MRPL3: variants seen among roughly 807,000 people sequenced by gnomAD.
MRPL3 encodes the protein mitochondrial ribosomal protein L3.
MRPL3 carries 43 observed loss-of-function variants against 44.3 expected under a neutral mutation model. The observed-to-expected ratio is 0.97, with a 90% confidence interval of 0.76 to 1.25. MRPL3 has a LOEUF of 1.25. Among genes scored for constraint, MRPL3 ranks in the 50% most tolerant of loss-of-function variants. The pLI is 0.00. For synonymous variants in MRPL3, 171 were observed against 152.3 expected, an observed-to-expected ratio of 1.12 and a Z score of -0.91; for missense variants, 406 against 427.6, an observed-to-expected ratio of 0.95 and a Z score of 0.45.
chr3:131,499,830 T>C (rs1934454886), intron 3 of MRPL3, among the ~76,000 whole-genome samples: 2 of 151,496 alleles, frequency 1.3e-5, no homozygotes, highest in African/African-American at 4.9e-5. Context: ...GCCTGACATT[T>C]ATCATCTGGT....
chr3:131,468,636 C>T (rs1314190826), intron 8 of MRPL3, among the ~76,000 whole-genome samples: 1 of 151,764 alleles, frequency 6.6e-6, no homozygotes. Flanking sequence ...AATGATTGGT[C>T]AAAAAATGGT....
At chr3:131,478,997 A>T (rs1429923167) in intron 6 of MRPL3, 5 of 377,736 alleles carry the variant, frequency 1.3e-5, no homozygotes, top group Admixed American at 3.3e-5. Flanking sequence ...CCAGCCCAAA[A>T]TATTTGATTT....
At chr3:131,500,363 G>C (rs1156564697) in intron 3 of MRPL3, 67 bp downstream of exon 3, 7 of 1,277,226 alleles carry the variant, frequency 5.5e-6, no homozygotes, top group Non-Finnish European at 5.7e-6. Context: ...AATAGTTCTT[G>C]TTAAGGTTTG....
chr3:131,463,141 G>T (rs1452068742), intron 9 of MRPL3, among the ~76,000 whole-genome samples: 4 of 152,082 alleles, frequency 2.6e-5, no homozygotes, highest in African/African-American at 9.7e-5. Context: ...GAATCTCTAG[G>T]ATTGCCCACA....
chr3:131,501,799 G>A (rs764685797), intron 1 of MRPL3, 84 bp from the exon 2 acceptor site: 1 of 1,591,322 alleles, frequency 6.3e-7, no homozygotes, highest in Non-Finnish European at 8.5e-7. Context: ...TCACAAATTG[G>A]AAAGTGTAGT....
rs79563337 is a variant in MRPL3, at chr3:131,502,420, C to G, written c.92+310G>C. On this transcript the variant is annotated intron_variant, in intron 1 of 9. Transcript: ENST00000264995. ...TAAACCTTATGATAGCAGTTTGCTCCCGTGAGGCTACATAAGGCACCTAAT... is the reference window on the plus strand; with the variant it reads ...TAAACCTTATGATAGCAGTTTGCTCGCGTGAGGCTACATAAGGCACCTAAT... Among the ~76,000 whole-genome samples, 40 of 152,300 alleles carry G rather than the reference C, an allele frequency of 2.6e-4. 1 individual carries two copies. The South Asian group carries it at 6.8e-3, about 26-fold the overall frequency.
At chr3:131,471,122 C>T (rs1409236587) in intron 7 of MRPL3, 49 bp downstream of exon 7, 1 of 1,304,182 alleles carries the variant, frequency 7.7e-7, no homozygotes, top group Admixed American at 1.7e-5. Flanking sequence ...ACTACATGTG[C>T]AGAAGTTGAA....
chr3:131,499,493 C>A (rs1582721913), intron 3 of MRPL3, among the ~76,000 whole-genome samples: 1 of 152,268 alleles, frequency 6.6e-6, no homozygotes, highest in South Asian at 2.1e-4. Flanking sequence ...GCCCCCTGCC[C>A]CCGCCAGTTT....
At chr3:131,487,001 C>A (rs973108534) in intron 6 of MRPL3, 1 of 152,140 alleles carries the variant, frequency 6.6e-6, no homozygotes, top group African/African-American at 2.4e-5. Flanking sequence ...GACACATGCA[C>A]ACATATGTTT....
rs1190109975 is a variant in MRPL3, at chr3:131,500,445, C to T, written c.354G>A (p.Val118=). ...TCTCTCTTACCTGAAGTAATGTGAC[C>T]ACATGCTTTTGACCATCCTTGGTCC... The part of the protein sequence containing the change: ...PLWTKDGQKH[V]VTLLQVQDCH... The change falls in exon 3 of 10, where the codon GTG becomes GTA. Residue 118 remains valine, a synonymous_variant. Transcript: ENST00000264995. 6.2e-7 allele frequency: 1 copy of T among 1,613,514 alleles called. No individual in the cohort carries two copies.
intron 9 of MRPL3, among the ~76,000 whole-genome samples, chr3:131,463,234 A>G (rs1186120043): frequency 6.6e-6 from 1 of 152,146 alleles, no homozygotes; most frequent in Admixed American, 6.6e-5. Context: ...ACAAACTAGC[A>G]TTTTTGTTAG....
Position 131,462,558 on chromosome 3 carries a change from CA to C in MRPL3, c.*164del. 1.8e-6 allele frequency: 1 copy of C among 542,724 alleles called. No homozygotes were observed. Among genetic ancestry groups the C allele is most frequent in the South Asian group, 7.2e-5 (1 of 13,824 alleles). The allele number at this position is 542,724 out of a possible 1,614,324, so 33.6% of individuals were successfully genotyped here. On this transcript the variant is annotated 3_prime_UTR_variant, in exon 10 of 10. Coordinates refer to ENST00000264995, the MANE Select transcript of MRPL3 (RefSeq NM_007208.4). ...ATATTTAATGTGGTAATTTTTCTAACAAAATTTAATGGGGGTATGAATGATA... is the reference window on the plus strand; with the variant it reads ...ATATTTAATGTGGTAATTTTTCTAACAAATTTAATGGGGGTATGAATGATA...
chr3:131,491,633 T>G (rs1224348486), intron 4 of MRPL3, among the ~76,000 whole-genome samples: 1 of 152,142 alleles, frequency 6.6e-6, no homozygotes, highest in Non-Finnish European at 1.5e-5. Flanking sequence ...TGGTCACCCT[T>G]GATTCTTTTC....
chr3:131,485,250 G>A (rs1934093056), intron 6 of MRPL3, among the ~76,000 whole-genome samples: 1 of 152,172 alleles, frequency 6.6e-6, no homozygotes, highest in Non-Finnish European at 1.5e-5. Context: ...AGAAGCATAT[G>A]AGATGAAAGC....
At chr3:131,499,741 A>G (rs1437951209) in intron 3 of MRPL3, among the ~76,000 whole-genome samples, 1 of 151,784 alleles carries the variant, frequency 6.6e-6, no homozygotes, top group Non-Finnish European at 1.5e-5. Context: ...TAATAATAAT[A>G]ATAATAATAA....
intron 5 of MRPL3, 37 bp from the exon 6 acceptor site, chr3:131,487,777 TG>T: frequency 6.5e-7 from 1 of 1,549,636 alleles, no homozygotes. Flanking sequence ...ATATGAAATT[TG>T]ACAGCACAGA....
chr3:131,486,364 C>CAAAAAAAAAAAAA (rs36151946), intron 6 of MRPL3, among the ~76,000 whole-genome samples: 7 of 46,706 alleles, frequency 1.5e-4, no homozygotes, highest in Admixed American at 8.6e-4. Flanking sequence ...TTCTGCACGG[C>CAAAAAAAAAAAAA]AAAAAAAAAA....
At chr3:131,497,105 C>T (rs1232666050) in intron 4 of MRPL3, among the ~76,000 whole-genome samples, 1 of 152,192 alleles carries the variant, frequency 6.6e-6, no homozygotes, top group Non-Finnish European at 1.5e-5. Flanking sequence ...TTCTGTGCTC[C>T]TTGGATTTAT....
At chr3:131,478,670 G>C (rs889976663) in intron 6 of MRPL3, among the ~76,000 whole-genome samples, 1 of 149,116 alleles carries the variant, frequency 6.7e-6, no homozygotes, top group Admixed American at 6.7e-5. Flanking sequence ...AAACAACCAA[G>C]TATTCAATAT....
Sources: allele counts gnomAD v4.1 joint callset (sites outside exome capture counted in the v4.1 genomes callset), GRCh38; gene constraint gnomAD v4.1.1; transcripts MANE v1.5; gene names NCBI Gene and HGNC (gene_info 2026-07-23, HGNC 2026-07-21).